The following SLC39A14 variants were observed in gnomAD, a reference collection of about 807,000 sequenced individuals.
The protein encoded by SLC39A14 is solute carrier family 39 member 14.
A neutral mutation model predicts 45.5 loss-of-function variants in SLC39A14; 19 were observed. The observed-to-expected ratio is 0.42, with a 90% CI of 0.29 to 0.61. SLC39A14 has a LOEUF of 0.61. Ranked by LOEUF, SLC39A14 falls within the 20% of genes least tolerant of loss-of-function variation. SLC39A14 has a pLI of 0.22. For missense variants in SLC39A14, 447 were observed against 616.5 expected (o/e 0.73, Z 2.91); for synonymous variants, 264 against 251.3 (o/e 1.05, Z -0.48).
chr8:22,423,601 C>G (rs891826057), downstream of SLC39A14, among the ~76,000 whole-genome samples: 3 of 152,052 alleles, frequency 2.0e-5, no homozygotes, highest in African/African-American at 4.8e-5. Context: ...TCCCAAAGTG[C>G]TGGGATTACA....
At chr8:22,376,871 A>G (rs764460397) in intron 1 of SLC39A14, among the ~76,000 whole-genome samples, 1 of 152,010 alleles carries the variant, frequency 6.6e-6, no homozygotes. Flanking sequence ...GAGTGAGACA[A>G]TGTCTGGGGA....
rs934395323 is a variant in SLC39A14 at position 22,421,737 on chromosome 8, A to G, written c.*2039A>G. On this transcript the variant is annotated 3_prime_UTR_variant, in exon 9 of 9. Coordinates refer to ENST00000381237, the MANE Select transcript of SLC39A14 (RefSeq NM_001128431.4). ...AATTTTAGCATTCCCAATAGATCCT[A>G]TCATTCCTTAAACATAATACCCTTT... The G allele has an allele frequency of 3.0e-6, 3 of 984,734 alleles. No homozygotes were observed. Among genetic ancestry groups the G allele is most frequent in the Non-Finnish European group, 3.6e-6 (3 of 829,034 alleles). 61.0% of individuals were successfully genotyped at this position (984,734 alleles called of 1,614,324 possible).
downstream of SLC39A14, among the ~76,000 whole-genome samples, chr8:22,423,822 C>CTCTCT (rs1836334959): frequency 6.7e-6 from 1 of 148,284 alleles, no homozygotes; most frequent in African/African-American, 2.6e-5. Flanking sequence ...CATCTATCTT[C>CTCTCT]CTATGTAGAT....
Position 22,422,314 on chromosome 8 carries a change from G to T in SLC39A14, c.*2616G>T. On this transcript the variant is annotated 3_prime_UTR_variant, in exon 9 of 9. Coordinates refer to ENST00000381237, the MANE Select transcript of SLC39A14 (RefSeq NM_001128431.4). ...CACCACCGGCACACAGCTTGCCCCT[G>T]TCTTTGCCCCCAAAGGTATTTTGTG... 1 of 985,742 alleles carries T rather than the reference G, an allele frequency of 1.0e-6. No individual in the cohort carries two copies. The allele number at this position is 985,742 out of a possible 1,614,324, so 61.1% of individuals were successfully genotyped here. A position where few individuals can be genotyped will look rare whatever the true frequency, so the allele number is the denominator to read the frequency against.
At chr8:22,409,873 G>C in intron 3 of SLC39A14, 1 of 1,539,852 alleles carries the variant, frequency 6.5e-7, no homozygotes, top group Non-Finnish European at 8.9e-7. Flanking sequence ...ATTCAGAACA[G>C]GGCCGCCCCA....
At chr8:22,411,907 C>A in intron 3 of SLC39A14, 130 bp from the exon 4 acceptor site, 1 of 775,638 alleles carries the variant, frequency 1.3e-6, no homozygotes, top group Non-Finnish European at 2.0e-6. Context: ...CCGTTAATAT[C>A]CACCAAACTT....
rs903800572 is a variant in SLC39A14 at position 22,417,594 on chromosome 8, C to T, written c.1148-57C>T. 26 of 1,439,894 alleles carry T rather than the reference C, an allele frequency of 1.8e-5. No homozygotes were observed. In the African/African-American group the frequency reaches 3.0e-4, roughly 16 times the overall value. The allele number at this position is 1,439,894 out of a possible 1,614,324, so 89.2% of individuals were successfully genotyped here. On this transcript the variant is annotated intron_variant, in intron 7 of 8. Transcript: ENST00000381237. The stretch of plus-strand genomic sequence containing the variant: ...GCTGGGATGACAGGTGTGCATTCAC[C>T]ATGCCCATCTTACTCTTCCTTCCTC...
chr8:22,383,945 C>A (rs983275279), intron 1 of SLC39A14, among the ~76,000 whole-genome samples: 1 of 152,146 alleles, frequency 6.6e-6, no homozygotes, highest in East Asian at 1.9e-4. Context: ...ACAAAGTCAC[C>A]CACTCCCCCA....
intron 8 of SLC39A14, among the ~76,000 whole-genome samples, chr8:22,431,989 G>C (rs1334784095): frequency 6.6e-6 from 1 of 152,186 alleles, no homozygotes; most frequent in Admixed American, 6.5e-5. Context: ...AATCAGAAAA[G>C]ACATTGAGAA....
intron 1 of SLC39A14, among the ~76,000 whole-genome samples, chr8:22,374,061 C>T (rs141352932): frequency 1.5e-4 from 23 of 152,278 alleles, no homozygotes; most frequent in African/African-American, 4.6e-4. Flanking sequence ...CGTGAGCCAC[C>T]GTGCCCAGCC....
chr8:22,417,860 T>A (rs368791009), intron 8 of SLC39A14, 25 bp downstream of exon 8: 2 of 1,599,614 alleles, frequency 1.3e-6, no homozygotes, highest in Non-Finnish European at 1.7e-6. Context: ...GTTCACTGGA[T>A]GAGAGGGCGG....
intron 1 of SLC39A14, among the ~76,000 whole-genome samples, chr8:22,402,022 A>C (rs1834898948): frequency 6.6e-6 from 1 of 152,162 alleles, no homozygotes; most frequent in Non-Finnish European, 1.5e-5. Context: ...TATTAAAGCA[A>C]ATTAATTAAT....
At chr8:22,401,258 C>T (rs1834834457) in intron 1 of SLC39A14, among the ~76,000 whole-genome samples, 1 of 152,218 alleles carries the variant, frequency 6.6e-6, no homozygotes, top group South Asian at 2.1e-4. Flanking sequence ...CTCAGCCACT[C>T]TGCCGCTGTT....
At chr8:22,414,356 C>T (rs534059036) in intron 4 of SLC39A14, among the ~76,000 whole-genome samples, 66 of 152,160 alleles carry the variant, frequency 4.3e-4, no homozygotes, top group Non-Finnish European at 8.1e-4. Flanking sequence ...ATAATTACAC[C>T]ATCTCCCTTT....
At chr8:22,407,677 T>C (rs950132409) in intron 2 of SLC39A14, among the ~76,000 whole-genome samples, 61 of 150,500 alleles carry the variant, frequency 4.1e-4, no homozygotes, top group African/African-American at 1.3e-3. Context: ...TGGTGTTTTC[T>C]AGAAACTATA....
chr8:22,386,995 G>A (rs1833827837), intron 1 of SLC39A14, among the ~76,000 whole-genome samples: 2 of 152,044 alleles, frequency 1.3e-5, no homozygotes, highest in African/African-American at 4.8e-5. Context: ...AATAGGGTGA[G>A]ACCCTGTCTC....
At chr8:22,413,038 A>G (rs543154930) in intron 4 of SLC39A14, among the ~76,000 whole-genome samples, 1 of 152,296 alleles carries the variant, frequency 6.6e-6, no homozygotes, top group East Asian at 1.9e-4. Flanking sequence ...AAGTCAAACA[A>G]TGTCTGGTTT....
chr8:22,433,036 T>A (rs929168349), intron 8 of SLC39A14, among the ~76,000 whole-genome samples: 1 of 152,062 alleles, frequency 6.6e-6, no homozygotes. Flanking sequence ...ACTCCTGGGC[T>A]CAAGCGATCC....
chr8:22,406,650 C>T (rs1835231792), intron 2 of SLC39A14, among the ~76,000 whole-genome samples: 1 of 152,162 alleles, frequency 6.6e-6, no homozygotes, highest in Admixed American at 6.5e-5. Context: ...GGAGATTATG[C>T]CACTGCATTC....
Sources: allele counts gnomAD v4.1 joint callset (sites outside exome capture counted in the v4.1 genomes callset), GRCh38; gene constraint gnomAD v4.1.1; transcripts MANE v1.5; gene names NCBI Gene and HGNC (gene_info 2026-07-23, HGNC 2026-07-21).